SH3BP4: variants seen among roughly 807,000 people sequenced by gnomAD.
The protein encoded by SH3BP4 is SH3 domain-binding protein 4.
In SH3BP4, 33 loss-of-function variants were observed where a neutral mutation model predicts 65.5. The ratio of observed to expected loss-of-function variants is 0.50; its 90% CI spans 0.38 to 0.67. The LOEUF (loss-of-function observed/expected upper bound fraction) is 0.67, where lower values mean the gene tolerates loss of function less well. Among genes scored for constraint, SH3BP4 ranks in the 30% least tolerant of loss-of-function variants. The pLI is 0.00. For missense variants in SH3BP4, 1,134 were observed against 1,261.4 expected (o/e 0.90, Z 1.53); for synonymous variants, 552 against 545.5 (o/e 1.01, Z -0.17).
rs1695006669 is a variant in SH3BP4, at chr2:235,026,510, T to C, written c.-132-8361T>C. 6.6e-6 allele frequency among the ~76,000 whole-genome samples: 1 copy of C among 152,186 alleles called. No individual in the cohort carries two copies. Among genetic ancestry groups the C allele is most frequent in the African/African-American group, 2.4e-5 (1 of 41,458 alleles). ...CCCCTCCAGGTCTTCCATTCTTTTGTTGATTTGTCTCCAATACGGGTTCCC... is the reference window on the plus strand; with the variant it reads ...CCCCTCCAGGTCTTCCATTCTTTTGCTGATTTGTCTCCAATACGGGTTCCC... On this transcript the variant is annotated intron_variant, in intron 2 of 5. Transcript: ENST00000392011. The surrounding 1 kb of genome is among the most constrained non-coding windows in gnomAD (Gnocchi z 4.6).
chr2:234,981,262 CCT>C (rs1465305419), intron 1 of SH3BP4, among the ~76,000 whole-genome samples: 3 of 152,142 alleles, frequency 2.0e-5, no homozygotes, highest in African/African-American at 7.2e-5. Flanking sequence ...GGACTCGGCC[CCT>C]GTTTATCGCT....
At chr2:235,021,317 G>T (rs899897270) in intron 2 of SH3BP4, among the ~76,000 whole-genome samples, 1 of 152,058 alleles carries the variant, frequency 6.6e-6, no homozygotes, top group Non-Finnish European at 1.5e-5. Context: ...TTATTCTAAA[G>T]TTTATTTGGA....
intron 5 of SH3BP4, among the ~76,000 whole-genome samples, chr2:235,053,015 T>C (rs1696111006): frequency 6.6e-6 from 1 of 152,212 alleles, no homozygotes; most frequent in South Asian, 2.1e-4. Context: ...CTGTCCCTTG[T>C]TCATTTTGAT....
chr2:235,053,582 C>T lies in SH3BP4; in HGVS notation c.2668-10C>T, dbSNP rs955336609. 4 of 1,609,444 alleles carry T rather than the reference C, an allele frequency of 2.5e-6. No individual in the cohort carries two copies. Among genetic ancestry groups the T allele is most frequent in the African/African-American group, 2.7e-5 (2 of 74,812 alleles). The stretch of plus-strand genomic sequence containing the variant: ...TCCCTCCTTTTGTTTTTTACAACTC[C>T]ACCTCCCAGGCCATGTGGAAGCCTG... On this transcript the variant is annotated splice_polypyrimidine_tract_variant and intron_variant, in intron 5 of 5. Coordinates refer to ENST00000392011, the MANE Select transcript of SH3BP4 (RefSeq NM_014521.3).
Position 235,042,875 on chromosome 2 carries a change from G to A in SH3BP4, c.2106G>A (p.Trp702Ter). ...RLRGQLWTKEWYIGYYQGRVG... is the reference protein window; with the variant it reads ...RLRGQLWTKE Reference sequence around the variant, plus strand: ...GGGGCCAGCTGTGGACCAAGGAGTGGTACATCGGCTACTACCAGGGCAGGG... The same window carrying A: ...GGGGCCAGCTGTGGACCAAGGAGTGATACATCGGCTACTACCAGGGCAGGG... Residue 702 changes from tryptophan to a stop codon, truncating the protein, a stop_gained, in exon 4 of 6, where the codon TGG becomes TGA. Transcript: ENST00000392011. LOFTEE classifies it high-confidence loss of function. This position sits in a 1 kb window ranked among gnomAD's most constrained non-coding sequence, Gnocchi z 7.3. The A allele has an allele frequency of 6.2e-7, 1 of 1,613,694 alleles. No homozygotes were observed. Among genetic ancestry groups the A allele is most frequent in the Non-Finnish European group, 8.5e-7 (1 of 1,179,984 alleles).
chr2:235,018,886 A>G (rs1208511883), intron 2 of SH3BP4, among the ~76,000 whole-genome samples: 1 of 152,210 alleles, frequency 6.6e-6, no homozygotes, highest in East Asian at 1.9e-4. Flanking sequence ...TGCCCTCAAG[A>G]AAACAGCAAA....
At chr2:234,993,097 G>T (rs936135083) in intron 1 of SH3BP4, among the ~76,000 whole-genome samples, 2 of 152,244 alleles carry the variant, frequency 1.3e-5, no homozygotes, top group Non-Finnish European at 2.9e-5. Flanking sequence ...TCTGGGGAGC[G>T]CCCGGTGGGG....
intron 4 of SH3BP4, among the ~76,000 whole-genome samples, chr2:235,044,839 G>C (rs1389174866): frequency 6.6e-6 from 1 of 152,240 alleles, no homozygotes; most frequent in African/African-American, 2.4e-5. Flanking sequence ...CCCTCTCTGG[G>C]TGGCCTGCAG....
At chr2:234,969,202 C>T (rs553391817) in intron 1 of SH3BP4, among the ~76,000 whole-genome samples, 6 of 152,212 alleles carry the variant, frequency 3.9e-5, no homozygotes, top group Non-Finnish European at 8.8e-5. Flanking sequence ...GTTAGGCAGA[C>T]TGACAGCTTA....
chr2:235,014,941 C>T (rs951544193), intron 2 of SH3BP4, among the ~76,000 whole-genome samples: 15 of 152,214 alleles, frequency 9.9e-5, no homozygotes, highest in Admixed American at 6.5e-4. Context: ...TATCCTCTCC[C>T]TGACCTGGTG....
intron 2 of SH3BP4, among the ~76,000 whole-genome samples, chr2:235,021,041 C>T (rs1021572228): frequency 3.3e-5 from 5 of 151,968 alleles, no homozygotes; most frequent in Non-Finnish European, 5.9e-5. Flanking sequence ...TTTTTTGGAC[C>T]ACAAGGGCAG....
At position 235,052,748 on chromosome 2, in the gene SH3BP4, G is replaced by A. The variant is rs759613575; in HGVS notation, c.2665G>A (p.Glu889Lys). The change falls in exon 5 of 6, where the codon GAG becomes AAG. Residue 889 changes from glutamate (E) to lysine (K), a missense_variant and splice_region_variant. Glu to Lys is a moderately conservative substitution (Grantham distance 56, BLOSUM62 1). Transcript: ENST00000392011. This position sits in a 1 kb window ranked among gnomAD's most constrained non-coding sequence, Gnocchi z 5.0. Reference sequence around the variant, plus strand: ...GGACAGGAACGGGGTTGTGGACAGCGAGGTGAGCAGCGGCTGAGCTTCGAG... The same window carrying A: ...GGACAGGAACGGGGTTGTGGACAGCAAGGTGAGCAGCGGCTGAGCTTCGAG... The part of the protein sequence containing the change: ...HRDRNGVVDS[E>K]AMWKPAYDFL... The A allele has an allele frequency of 1.8e-5, 29 of 1,585,896 alleles. No homozygotes were observed. Among genetic ancestry groups the A allele is most frequent in the Non-Finnish European group, 2.0e-5 (23 of 1,168,608 alleles).
At position 234,997,219 on chromosome 2, in the gene SH3BP4, C is replaced by T. The variant is rs117816228; in HGVS notation, c.-133+1843C>T. ...GGCCACCACACTTTAAGCTGATTTT[C>T]GTTTTGCCTTGTTTTCCCAGAGGCA... is the stretch of plus-strand genomic sequence containing the variant. On this transcript the variant is annotated intron_variant, in intron 2 of 5. Transcript: ENST00000392011. This position sits in a 1 kb window ranked among gnomAD's most constrained non-coding sequence, Gnocchi z 4.2. Among the ~76,000 whole-genome samples the T allele has an allele frequency of 7.4e-4, 112 of 152,292 alleles. 1 individual carries two copies. In the East Asian group the frequency reaches 0.02, roughly 27 times the overall value.
chr2:235,004,025 G>A (rs891338822), intron 2 of SH3BP4, among the ~76,000 whole-genome samples: 5 of 152,216 alleles, frequency 3.3e-5, no homozygotes, highest in African/African-American at 1.2e-4. Context: ...CCGGCTCCTG[G>A]CTGTCACTCG....
intron 1 of SH3BP4, among the ~76,000 whole-genome samples, chr2:234,988,950 C>T (rs1693668585): frequency 6.6e-6 from 1 of 152,168 alleles, no homozygotes. Context: ...TAACATCCAT[C>T]AGGTGAGATT....
rs773155843 is a variant in SH3BP4, at chr2:235,042,960, T to C, written c.2191T>C (p.Ser731Pro). The C allele has an allele frequency of 1.2e-6, 2 of 1,612,970 alleles. No individual in the cohort carries two copies. The highest frequency in any genetic ancestry group is 4.5e-5 in the East Asian group (2 of 44,844). ...CGGCAGGGCCCGGCCCAGCCTGTGC[T>C]CGGGCCCCGAGCTGAGCACCTCGGT... ...VVGRARPSLC[S>P]GPELSTSVLL... The change falls in exon 4 of 6, where the codon TCG becomes CCG. Residue 731 changes from serine to proline, a missense_variant. Ser to Pro is a moderately conservative substitution (Grantham distance 74, BLOSUM62 -1). Coordinates refer to ENST00000392011, the MANE Select transcript of SH3BP4 (RefSeq NM_014521.3). The surrounding 1 kb of genome is among the most constrained non-coding windows in gnomAD (Gnocchi z 7.3).
rs1452454508 is a variant in SH3BP4, at chr2:235,045,945, G to A, written c.2478+2698G>A. ...GCAGGGAGATGGGAAGGAAAAAGGA[G>A]TCAAATGAGACCTGGGTTGTTCCTC... On this transcript the variant is annotated intron_variant, in intron 4 of 5. Coordinates refer to ENST00000392011, the MANE Select transcript of SH3BP4 (RefSeq NM_014521.3). The surrounding 1 kb of genome is among the most constrained non-coding windows in gnomAD (Gnocchi z 4.3). 6.6e-6 allele frequency among the ~76,000 whole-genome samples: 1 copy of A among 152,188 alleles called. No individual in the cohort carries two copies. Among genetic ancestry groups the A allele is most frequent in the Non-Finnish European group, 1.5e-5 (1 of 68,038 alleles).
chr2:235,023,496 G>T lies in SH3BP4; in HGVS notation c.-132-11375G>T, dbSNP rs1330605275. On this transcript the variant is annotated intron_variant, in intron 2 of 5. Coordinates refer to ENST00000392011, the MANE Select transcript of SH3BP4 (RefSeq NM_014521.3). Reference sequence around the variant, plus strand: ...CGGGTGGTGGGGGTTGCAGTGAGCCGAGATCGCATCACTGCACTCCAGCCT... The same window carrying T: ...CGGGTGGTGGGGGTTGCAGTGAGCCTAGATCGCATCACTGCACTCCAGCCT... 2.6e-5 allele frequency among the ~76,000 whole-genome samples: 4 copies of T among 152,218 alleles called. No homozygotes were observed. In the South Asian group the frequency reaches 8.3e-4, roughly 32 times the overall value.
intron 1 of SH3BP4, among the ~76,000 whole-genome samples, chr2:234,961,473 T>A (rs1400116830): frequency 6.6e-6 from 1 of 152,088 alleles, no homozygotes; most frequent in Non-Finnish European, 1.5e-5. Context: ...GGTTTTACCA[T>A]GTTGGCCAGG....
Sources: gnomAD v4.1 joint callset for allele counts (sites outside exome capture counted in the v4.1 genomes callset) on GRCh38, gnomAD v4.1.1 for gene constraint, Gnocchi (gnomAD v3.1) non-coding constraint, MANE v1.5 for transcripts, NCBI Gene and HGNC (gene_info 2026-07-23, HGNC 2026-07-21) for gene names.